Variants in LRP2 observed in about 807,000 individuals in gnomAD.
LRP2 encodes the protein LDL receptor related protein 2.
LRP2 carries 172 observed loss-of-function variants against 531.0 expected under a neutral mutation model. The observed-to-expected ratio is 0.32, with a 90% CI of 0.29 to 0.37. The LOEUF is 0.37. Among genes scored for constraint, LRP2 ranks in the 10% least tolerant of loss-of-function variants. The pLI, the probability that LRP2 is intolerant of heterozygous loss-of-function variation, is 1.00. For synonymous variants in LRP2, 1,992 were observed against 2,027.6 expected, an observed-to-expected ratio of 0.98 and a Z score of 0.47; for missense variants, 5,167 against 5,868.3, an observed-to-expected ratio of 0.88 and a Z score of 3.90.
chr2:169,308,773 T>C (rs58392799), intron 3 of LRP2, among the ~76,000 whole-genome samples: 5,527 of 152,266 alleles, frequency 0.036, 162 homozygotes, highest in East Asian at 0.096. Context: ...GTATTTCTAG[T>C]TCTAGATCCT....
At chr2:169,331,195 A>G (rs1325390690) in intron 1 of LRP2, among the ~76,000 whole-genome samples, 1 of 152,206 alleles carries the variant, frequency 6.6e-6, no homozygotes, top group East Asian at 1.9e-4. Flanking sequence ...AGTCATAAGC[A>G]CCTCTGCGTT....
At chr2:169,283,066 A>C (rs1380262619) in intron 9 of LRP2, 65 bp from the exon 10 acceptor site, 1 of 1,557,944 alleles carries the variant, frequency 6.4e-7, no homozygotes, top group Non-Finnish European at 8.8e-7. Context: ...CTCTCTGACA[A>C]AAATCCTAGA....
At chr2:169,283,029 G>C in intron 9 of LRP2, 28 bp from the exon 10 acceptor site, 1 of 1,612,878 alleles carries the variant, frequency 6.2e-7, no homozygotes, top group East Asian at 2.2e-5. Context: ...CACATTTGTA[G>C]TCAAGGTTAT....
rs147922851 is a variant in LRP2 at position 169,177,962 on chromosome 2, C to T, written c.10234G>A (p.Ala3412Thr). The T allele has an allele frequency of 5.6e-6, 9 of 1,614,006 alleles. No homozygotes were observed. Among genetic ancestry groups the T allele is most frequent in the South Asian group, 2.2e-5 (2 of 91,080 alleles). ...VYDGALPHPF[A>T]ITIFEDTIYW... ...ATAGTGTCTTCAAAAATGGTAATAG[C>T]GAAAGGGTGAGGCAGTGCCCCATCA... The change falls in exon 53 of 79, where the codon GCT becomes ACT. Residue 3412 changes from alanine (A) to threonine (T), a missense_variant. This residue lies in a region of LRP2 where 1,129 missense variants were observed against 1,362.7 expected (regional missense o/e 0.83). Transcript: ENST00000649046.
intron 64 of LRP2, 99 bp from the exon 65 acceptor site, chr2:169,156,504 G>T: frequency 7.5e-7 from 1 of 1,330,534 alleles, no homozygotes; most frequent in Non-Finnish European, 1.1e-6. Context: ...AATGAGGACC[G>T]AGAAGGGTAC....
intron 1 of LRP2, among the ~76,000 whole-genome samples, chr2:169,332,584 G>C (rs1398424509): frequency 6.6e-6 from 1 of 152,044 alleles, no homozygotes; most frequent in Non-Finnish European, 1.5e-5. Flanking sequence ...CCCTTATTTA[G>C]CTATGGCCCA....
intron 27 of LRP2, 102 bp from the exon 28 acceptor site, chr2:169,237,389 T>C (rs1046364746): frequency 5.2e-5 from 50 of 958,472 alleles, no homozygotes; most frequent in Admixed American, 1.2e-4. Context: ...ACTTGTCCTA[T>C]AATTACTTGT....
intron 3 of LRP2, among the ~76,000 whole-genome samples, chr2:169,309,359 C>A (rs1229046192): frequency 6.6e-6 from 1 of 152,130 alleles, no homozygotes; most frequent in African/African-American, 2.4e-5. Context: ...GGTTTTAGGT[C>A]TGACATTTAA....
In LRP2 at chr2:169,241,008, G is replaced by C. The variant is rs775029747; in HGVS notation, c.4025C>G (p.Thr1342Arg). The change falls in exon 25 of 79, where the codon ACA (threonine) becomes AGA (arginine). Residue 1342 changes from threonine to arginine, a missense_variant. Coordinates refer to ENST00000649046, the MANE Select transcript of LRP2 (RefSeq NM_004525.3). ...CTTACTGCAAAGTGGGGACTCATCTGTCCCATTGGGGCAGTCAAAGATGCC... is the reference window on the plus strand; with the variant it reads ...CTTACTGCAAAGTGGGGACTCATCTCTCCCATTGGGGCAGTCAAAGATGCC... ...CDGIFDCPNG[T>R]DESPLCNGNS... 2 of 1,613,490 alleles carry C rather than the reference G, an allele frequency of 1.2e-6. No individual in the cohort carries two copies. The highest frequency in any genetic ancestry group is 1.7e-6 in the Non-Finnish European group (2 of 1,180,036).
intron 12 of LRP2, among the ~76,000 whole-genome samples, chr2:169,278,651 G>A (rs931821858): frequency 3.9e-5 from 6 of 152,074 alleles, no homozygotes; most frequent in African/African-American, 9.7e-5. Context: ...GAACATTTCC[G>A]TCATTTTCAA....
chr2:169,166,111 A>G, intron 61 of LRP2, 57 bp from the exon 62 acceptor site: 6 of 1,573,428 alleles, frequency 3.8e-6, no homozygotes, highest in Admixed American at 1.7e-5. Flanking sequence ...CTAAGTGTCA[A>G]TATCTAAAAT....
intron 1 of LRP2, among the ~76,000 whole-genome samples, chr2:169,349,908 T>C (rs1309058897): frequency 6.6e-6 from 1 of 152,128 alleles, no homozygotes; most frequent in African/African-American, 2.4e-5. Context: ...CCAACTTGAG[T>C]ATGACAGAAA....
At position 169,284,256 on chromosome 2, in the gene LRP2, C is replaced by CTTTTTTTTT. The variant is rs1216987363; in HGVS notation, c.1043-1264_1043-1256dup. 9.5e-3 allele frequency among the ~76,000 whole-genome samples: 919 copies of CTTTTTTTTT among 96,536 alleles called. 6 individuals are homozygous for CTTTTTTTTT. Among genetic ancestry groups the CTTTTTTTTT allele is most frequent in the Non-Finnish European group, 0.011 (570 of 51,710 alleles). 63.3% of individuals were successfully genotyped at this position (96,536 alleles called of 152,430 possible). A position where few individuals can be genotyped will look rare whatever the true frequency, so the allele number is the denominator to read the frequency against. ...CTTTTCTTTTCTTTTTCTTTTTTTT[C>CTTTTTTTTT]TTTTTTTTTTTTTTTTTTTTTTTTT... On this transcript the variant is annotated intron_variant, in intron 9 of 78. Coordinates refer to ENST00000649046, the MANE Select transcript of LRP2 (RefSeq NM_004525.3).
intron 14 of LRP2, among the ~76,000 whole-genome samples, chr2:169,274,238 A>G (rs1433738470): frequency 6.6e-6 from 1 of 152,174 alleles, no homozygotes; most frequent in South Asian, 2.1e-4. Flanking sequence ...AGAGCTATAT[A>G]CAGTCCTGAT....
chr2:169,308,528 C>T (rs1468581412), intron 3 of LRP2, among the ~76,000 whole-genome samples: 1 of 152,174 alleles, frequency 6.6e-6, no homozygotes, highest in Non-Finnish European at 1.5e-5. Context: ...CAGCTTCATC[C>T]ATGTCCCTAC....
At chr2:169,153,395 G>A (rs1454825539) in intron 66 of LRP2, among the ~76,000 whole-genome samples, 1 of 152,184 alleles carries the variant, frequency 6.6e-6, no homozygotes, top group Non-Finnish European at 1.5e-5. Context: ...CAGACAGAAG[G>A]ATGGTGGACA....
At chr2:169,286,867 G>A (rs77977224) in intron 9 of LRP2, among the ~76,000 whole-genome samples, 8 of 152,186 alleles carry the variant, frequency 5.3e-5, no homozygotes, top group Admixed American at 5.2e-4. Flanking sequence ...ATGTAATACT[G>A]AGAATGTGGC....
rs529649802 is a variant in LRP2, at chr2:169,362,361, G to A, written c.39C>T (p.Leu13=). The A allele has an allele frequency of 3.5e-4, 557 of 1,571,022 alleles. 2 individuals are homozygous for A. The South Asian group carries it at 6.1e-3, about 17-fold the overall frequency. The stretch of plus-strand genomic sequence containing the variant: ...GCGCTAGGCAGGCGACGAGAGCCAG[G>A]AGCAGCGTGCACGCCACTGCTGCCG... The part of the protein sequence containing the change: ...RGPAAVACTL[L]LALVACLAPA... The change falls in exon 1 of 79, where the codon CTC becomes CTT. Residue 13 remains leucine (L), a synonymous_variant. Transcript: ENST00000649046.
intron 18 of LRP2, among the ~76,000 whole-genome samples, chr2:169,256,671 A>G (rs565727534): frequency 1.2e-4 from 19 of 152,134 alleles, no homozygotes; most frequent in African/African-American, 4.3e-4. Context: ...TGAGAACCAT[A>G]GCTTATACTT....
Sources: gnomAD v4.1 joint callset for allele counts (sites outside exome capture counted in the v4.1 genomes callset) on GRCh38, gnomAD v4.1.1 for gene constraint, gnomAD v4.1.1 regional missense constraint, MANE v1.5 for transcripts, NCBI Gene and HGNC (gene_info 2026-07-23, HGNC 2026-07-21) for gene names.